GIT1: variants seen among roughly 807,000 people sequenced by gnomAD.
GIT1 encodes ARF GTPase-activating protein GIT1.
Under a neutral mutation model 91.7 loss-of-function variants are expected in GIT1, and 14 were observed. That is an observed-to-expected ratio of 0.15 (90% CI 0.10 to 0.24). GIT1 has a LOEUF of 0.24. Among genes scored for constraint, GIT1 ranks in the 10% least tolerant of loss-of-function variants. The pLI, the probability that GIT1 is intolerant of heterozygous loss-of-function variation, is 1.00. For synonymous variants in GIT1, 414 were observed against 418.2 expected (o/e 0.99, Z 0.12); for missense variants, 717 against 1,024.9 (o/e 0.70, Z 4.10).
chr17:29,579,877 G>A (rs1432842852), intron 7 of GIT1, among the ~76,000 whole-genome samples: 1 of 152,156 alleles, frequency 6.6e-6, no homozygotes, highest in Non-Finnish European at 1.5e-5. Flanking sequence ...AAGCAGCAGA[G>A]ATGACTTCAC....
Position 29,589,465 on chromosome 17 carries a change from C to A in GIT1, c.-87G>T. ...GGGCGGCGGCGGCGGCCCCTGCTGC[C>A]CGGCCCGGCTCCGGCGAGGCCCCGG... On this transcript the variant is annotated 5_prime_UTR_variant, in exon 1 of 20. Transcript: ENST00000225394. The surrounding 1 kb of genome is among the most constrained non-coding windows in gnomAD (Gnocchi z 5.2). The A allele has an allele frequency of 2.3e-6, 1 of 442,052 alleles. No homozygotes were observed. The highest frequency in any genetic ancestry group is 8.9e-5 in the South Asian group (1 of 11,290). 27.4% of individuals were successfully genotyped at this position (442,052 alleles called of 1,614,324 possible). A position where few individuals can be genotyped will look rare whatever the true frequency, so the allele number is the denominator to read the frequency against.
intron 12 of GIT1, 59 bp from the exon 13 acceptor site, chr17:29,576,733 G>A: frequency 6.2e-7 from 1 of 1,604,908 alleles, no homozygotes; most frequent in Non-Finnish European, 8.5e-7. Context: ...ACACCCGCAG[G>A]GGGCAGTTAT....
chr17:29,578,502 A>G (rs1289959655), intron 8 of GIT1, 131 bp from the exon 9 acceptor site: 30 of 902,528 alleles, frequency 3.3e-5, no homozygotes, highest in Non-Finnish European at 5.2e-5. Flanking sequence ...ACAGTCTCAG[A>G]ATGGGAAAGT....
chr17:29,585,854 C>T (rs2033577151), intron 1 of GIT1, among the ~76,000 whole-genome samples: 1 of 152,176 alleles, frequency 6.6e-6, no homozygotes, highest in Non-Finnish European at 1.5e-5. Context: ...GCTTCTGGCT[C>T]CACCGGCAGG....
chr17:29,577,108 C>G (rs2033237579), intron 11 of GIT1, 28 bp downstream of exon 11: 10 of 1,608,262 alleles, frequency 6.2e-6, no homozygotes, highest in Non-Finnish European at 8.5e-6. Flanking sequence ...CCGCCTGCTT[C>G]CCACACCCTC....
chr17:29,581,281 C>T lies in GIT1; in HGVS notation c.761+57G>A. The T allele has an allele frequency of 1.5e-6, 2 of 1,360,630 alleles. No individual in the cohort carries two copies. Among genetic ancestry groups the T allele is most frequent in the Non-Finnish European group, 2.1e-6 (2 of 950,190 alleles). The allele number at this position is 1,360,630 out of a possible 1,614,324, so 84.3% of individuals were successfully genotyped here. A position where few individuals can be genotyped will look rare whatever the true frequency, so the allele number is the denominator to read the frequency against. On this transcript the variant is annotated intron_variant, in intron 7 of 19. Coordinates refer to ENST00000225394, the MANE Select transcript of GIT1 (RefSeq NM_014030.4). This position sits in a 1 kb window ranked among gnomAD's most constrained non-coding sequence, Gnocchi z 4.8. ...AACCTGGGCTGGGAGCTCTGGGGGT[C>T]AGCCACCCACATGGCATCCAACAGC...
chr17:29,576,737 C>T, intron 12 of GIT1, 63 bp from the exon 13 acceptor site: 2 of 1,601,378 alleles, frequency 1.2e-6, no homozygotes, highest in South Asian at 1.1e-5. Flanking sequence ...CCGCAGGGGG[C>T]AGTTATTGAG....
chr17:29,574,128 GAAAA>G lies in GIT1; in HGVS notation c.*570_*573del, dbSNP rs1157824593. 3.5e-5 allele frequency: 5 copies of G among 141,100 alleles called. No individual in the cohort carries two copies. The highest frequency in any genetic ancestry group is 2.1e-4 in the East Asian group (1 of 4,792). The allele number at this position is 141,100 out of a possible 1,614,324, so 8.7% of individuals were successfully genotyped here. ...AAATTAAGGGGTGGGGAAGAAGAAA[GAAAA>G]AAAAAAAACAGACTTTCCAGTGTTT... On this transcript the variant is annotated 3_prime_UTR_variant, in exon 20 of 20. Coordinates refer to ENST00000225394, the MANE Select transcript of GIT1 (RefSeq NM_014030.4).
chr17:29,576,154 C>A, intron 14 of GIT1, 23 bp from the exon 15 acceptor site: 1 of 1,612,974 alleles, frequency 6.2e-7, no homozygotes, highest in Non-Finnish European at 8.5e-7. Flanking sequence ...GCACAGCGAG[C>A]GTCATGGTGG....
At position 29,574,740 on chromosome 17, in the gene GIT1, G is replaced by C; in HGVS notation, c.2248C>G (p.Gln750Glu). 1 of 1,613,638 alleles carries C rather than the reference G, an allele frequency of 6.2e-7. No individual in the cohort carries two copies. The highest frequency in any genetic ancestry group is 8.5e-7 in the Non-Finnish European group (1 of 1,179,866). ...CAYDIAKAAK[Q>E]LVTITTREKK... ...TCTCGGGTGGTGATGGTGACCAGCT[G>C]CTTGGCAGCCTTGGCGATGTCATAG... Residue 750 changes from glutamine (Q) to glutamate (E), a missense_variant, in exon 20 of 20, where the codon CAG (glutamine) becomes GAG (glutamate). Physicochemically the swap from Gln to Glu is conservative, Grantham distance 29. Around this residue, in one of 3 missense-constraint regions of GIT1, gnomAD observed 134 missense variants for 223.8 expected, o/e 0.60. Coordinates refer to ENST00000225394, the MANE Select transcript of GIT1 (RefSeq NM_014030.4).
At chr17:29,582,344 C>T (rs1476227129) in intron 4 of GIT1, among the ~76,000 whole-genome samples, 200 bp from the exon 5 acceptor site, 19 of 152,244 alleles carry the variant, frequency 1.2e-4, no homozygotes, top group African/African-American at 4.1e-4. Context: ...CCATCTACCA[C>T]GTGTGCTGTG....
chr17:29,576,612 C>G lies in GIT1; in HGVS notation c.1290G>C (p.Lys430Asn). The change falls in exon 13 of 20, where the codon AAG (lysine) becomes AAC (asparagine). Residue 430 changes from lysine (K) to asparagine (N), a missense_variant. Physicochemically the swap from Lys to Asn is moderately conservative, Grantham distance 94. Coordinates refer to ENST00000225394, the MANE Select transcript of GIT1 (RefSeq NM_014030.4). The part of the protein sequence containing the change: ...AVTLQEYLEL[K>N]KALATSEAKV... ...TTGCCTCCGATGTAGCCAGGGCCTT[C>G]TTCAGCTCCAGGTACTCCTGCAGCG... is the stretch of plus-strand genomic sequence containing the variant. 1 of 1,614,048 alleles carries G rather than the reference C, an allele frequency of 6.2e-7. No individual in the cohort carries two copies. The highest frequency in any genetic ancestry group is 2.2e-5 in the East Asian group (1 of 44,882).
chr17:29,577,071 A>G, intron 11 of GIT1, 65 bp downstream of exon 11: 5 of 1,605,528 alleles, frequency 3.1e-6, no homozygotes, highest in Non-Finnish European at 4.3e-6. Context: ...TGGCAGGGAG[A>G]GCCATGCAGG....
Position 29,575,589 on chromosome 17 carries a change from G to C in GIT1, c.1826+41C>G, listed in dbSNP as rs376133502. ...GGGGCCCTCTCAACCTCCCCGCCTCGGCATGTGAGCAGGCTGGACTGGAGA... is the reference window on the plus strand; with the variant it reads ...GGGGCCCTCTCAACCTCCCCGCCTCCGCATGTGAGCAGGCTGGACTGGAGA... On this transcript the variant is annotated intron_variant, in intron 17 of 19. Coordinates refer to ENST00000225394, the MANE Select transcript of GIT1 (RefSeq NM_014030.4). This position sits in a 1 kb window ranked among gnomAD's most constrained non-coding sequence, Gnocchi z 5.5. 5 of 1,591,310 alleles carry C rather than the reference G, an allele frequency of 3.1e-6. No individual in the cohort carries two copies. The highest frequency in any genetic ancestry group is 1.7e-5 in the Admixed American group (1 of 59,586).
Position 29,576,451 on chromosome 17 carries a change from C to A in GIT1, c.1381-1G>T. On this transcript the variant is annotated splice_acceptor_variant, in intron 13 of 19. Transcript: ENST00000225394. LOFTEE classifies it high-confidence loss of function. ...GGTTCTCCGCCTGCAGCTTGTGGAT[C>A]TATGGGTGCAAAGTGCTGTCAACCC... The A allele has an allele frequency of 6.2e-7, 1 of 1,612,862 alleles. No homozygotes were observed. The highest frequency in any genetic ancestry group is 1.1e-5 in the South Asian group (1 of 91,064).
chr17:29,576,434 G>A lies in GIT1; in HGVS notation c.1397C>T (p.Ala466Val), dbSNP rs748189816. The change falls in exon 14 of 20, where the codon GCG becomes GTG. Residue 466 changes from alanine (A) to valine (V), a missense_variant. Physicochemically the swap from Ala to Val is moderately conservative, Grantham distance 64. Coordinates refer to ENST00000225394, the MANE Select transcript of GIT1 (RefSeq NM_014030.4). Reference protein sequence around the residue: ...RLQREIHKLQAENLQLRQPPG... With the variant: ...RLQREIHKLQVENLQLRQPPG... The stretch of plus-strand genomic sequence containing the variant: ...AGGCTGCCGGAGCTGCAGGTTCTCC[G>A]CCTGCAGCTTGTGGATCTATGGGTG... 1.4e-5 allele frequency: 23 copies of A among 1,612,414 alleles called. No homozygotes were observed. The highest frequency in any genetic ancestry group is 1.3e-4 in the South Asian group (12 of 91,050).
intron 11 of GIT1, 56 bp downstream of exon 11, chr17:29,577,080 G>A: frequency 1.2e-6 from 2 of 1,607,528 alleles, no homozygotes; most frequent in Non-Finnish European, 1.7e-6. Context: ...GAGCCATGCA[G>A]GAAAGACCCC....
rs142700637 is a variant in GIT1, at chr17:29,584,318, A to T, written c.53-702T>A. Among the ~76,000 whole-genome samples, 4 of 152,336 alleles carry T rather than the reference A, an allele frequency of 2.6e-5. No homozygotes were observed. The East Asian group carries it at 7.7e-4, about 29-fold the overall frequency. On this transcript the variant is annotated intron_variant, in intron 1 of 19. Coordinates refer to ENST00000225394, the MANE Select transcript of GIT1 (RefSeq NM_014030.4). ...GTTAAAGGGCTTATTCAAGGATGCG[A>T]GGCTAATGAGTAGAATTGCCAGGAT...
chr17:29,584,244 CAAGGTAGGACA>C (rs975775881), intron 1 of GIT1, among the ~76,000 whole-genome samples: 4 of 152,234 alleles, frequency 2.6e-5, no homozygotes, highest in African/African-American at 9.6e-5. Flanking sequence ...AACTGTCAGG[CAAGGTAGGACA>C]TGCTACCTCT....
Sources: allele counts gnomAD v4.1 joint callset (sites outside exome capture counted in the v4.1 genomes callset), GRCh38; gene constraint gnomAD v4.1.1; regional missense constraint gnomAD v4.1.1; non-coding constraint Gnocchi (gnomAD v3.1); transcripts MANE v1.5; gene names NCBI Gene and HGNC (gene_info 2026-07-23, HGNC 2026-07-21).